The following HHAT variants were observed in gnomAD, a reference collection of about 807,000 sequenced individuals.
HHAT encodes the protein hedgehog acyltransferase, also known as protein-cysteine N-palmitoyltransferase HHAT.
A neutral mutation model predicts 70.8 loss-of-function variants in HHAT; 47 were observed. The ratio of observed to expected loss-of-function variants is 0.66; its 90% CI spans 0.53 to 0.85. The LOEUF is 0.85. Among genes scored for constraint, HHAT ranks in the 40% least tolerant of loss-of-function variants. The pLI is 0.00. For missense variants in HHAT, 609 were observed against 604.8 expected, an observed-to-expected ratio of 1.01 and a Z score of -0.07; for synonymous variants, 228 against 247.6, an observed-to-expected ratio of 0.92 and a Z score of 0.74.
chr1:210,359,599 G>T (rs78015933), intron 2 of HHAT, among the ~76,000 whole-genome samples: 1 of 152,000 alleles, frequency 6.6e-6, no homozygotes, highest in Non-Finnish European at 1.5e-5. Context: ...ATCAGCCCTG[G>T]CCCTCTACCT....
intron 9 of HHAT, among the ~76,000 whole-genome samples, chr1:210,520,955 A>G (rs754048602): frequency 2.0e-4 from 30 of 152,236 alleles, no homozygotes; most frequent in Admixed American, 4.6e-4. Flanking sequence ...GTGGAAATGC[A>G]AAGTATGGAA....
At chr1:210,386,171 G>A (rs1281382879) in intron 3 of HHAT, among the ~76,000 whole-genome samples, 2 of 150,926 alleles carry the variant, frequency 1.3e-5, no homozygotes, top group Non-Finnish European at 2.9e-5. Context: ...AGTTCCACTT[G>A]CAGAGATTGG....
chr1:210,489,963 C>T (rs1049271131), intron 8 of HHAT, among the ~76,000 whole-genome samples: 63 of 152,140 alleles, frequency 4.1e-4, no homozygotes, highest in African/African-American at 8.9e-4. Flanking sequence ...TAGTCCTCAA[C>T]GACTTTTACA....
intron 8 of HHAT, among the ~76,000 whole-genome samples, chr1:210,498,454 C>A (rs986565653): frequency 6.6e-6 from 1 of 152,162 alleles, no homozygotes; most frequent in African/African-American, 2.4e-5. Flanking sequence ...CAGATAGGGA[C>A]CACTGGTAGC....
At chr1:210,653,811 G>A (rs1348844404) in intron 11 of HHAT, among the ~76,000 whole-genome samples, 1 of 146,024 alleles carries the variant, frequency 6.8e-6, no homozygotes, top group African/African-American at 2.5e-5. Context: ...TGGGGCAGGA[G>A]CTGGAGGGCA....
intron 7 of HHAT, among the ~76,000 whole-genome samples, chr1:210,446,091 A>C (rs369938422): frequency 1.3e-5 from 2 of 152,186 alleles, no homozygotes; most frequent in East Asian, 1.9e-4. Context: ...CTGTGGGAAG[A>C]GCGCAAAGGG....
intron 11 of HHAT, among the ~76,000 whole-genome samples, chr1:210,673,766 T>TTTATTTA (rs1558407318): frequency 1.5e-3 from 12 of 8,244 alleles, no homozygotes; most frequent in African/African-American, 0.013. Flanking sequence ...TTATTTATTA[T>TTTATTTA]TTATTTATTT....
intron 6 of HHAT, among the ~76,000 whole-genome samples, chr1:210,417,806 G>A (rs2092769022): frequency 2.6e-5 from 4 of 152,064 alleles, no homozygotes; most frequent in South Asian, 2.1e-4. Flanking sequence ...CCTGTAGCCC[G>A]AAACTCCAAA....
chr1:210,503,605 C>T (rs2094799517), intron 8 of HHAT, among the ~76,000 whole-genome samples: 1 of 152,180 alleles, frequency 6.6e-6, no homozygotes, highest in Non-Finnish European at 1.5e-5. Context: ...TTGTTTGTTT[C>T]ATCTTTGTTT....
intron 2 of HHAT, among the ~76,000 whole-genome samples, chr1:210,352,526 T>C (rs1208325035): frequency 6.6e-6 from 1 of 152,182 alleles, no homozygotes; most frequent in Non-Finnish European, 1.5e-5. Flanking sequence ...CTGCCTAGAA[T>C]AGACTAGAGG....
chr1:210,471,565 A>G (rs2206608), intron 8 of HHAT, among the ~76,000 whole-genome samples: 1 of 151,784 alleles, frequency 6.6e-6, no homozygotes, highest in East Asian at 1.9e-4. Context: ...ACAGAGGAAG[A>G]TGAGGAACTG....
intron 1 of HHAT, among the ~76,000 whole-genome samples, chr1:210,334,252 A>G (rs913094962): frequency 7.1e-6 from 1 of 139,934 alleles, no homozygotes; most frequent in Non-Finnish European, 1.5e-5. Context: ...CTGCAGCCTC[A>G]ACTTCCCAGG....
chr1:210,519,648 C>T (rs2095120262), intron 9 of HHAT, among the ~76,000 whole-genome samples: 1 of 151,412 alleles, frequency 6.6e-6, no homozygotes, highest in Non-Finnish European at 1.5e-5. Context: ...CTACCTTAGC[C>T]TCCAGGTAGC....
chr1:210,412,123 G>T (rs1572248117), intron 6 of HHAT, among the ~76,000 whole-genome samples: 1 of 152,082 alleles, frequency 6.6e-6, no homozygotes, highest in African/African-American at 2.4e-5. Context: ...TTTTATAAGG[G>T]TGCTATTCCC....
intron 9 of HHAT, among the ~76,000 whole-genome samples, chr1:210,540,860 A>G (rs2148659688): frequency 1.3e-5 from 2 of 151,530 alleles, no homozygotes; most frequent in South Asian, 2.1e-4. Context: ...TTTTTTTGAG[A>G]CACAGTGTAT....
At chr1:210,426,678 C>T (rs780079094) in intron 7 of HHAT, among the ~76,000 whole-genome samples, 8 of 152,088 alleles carry the variant, frequency 5.3e-5, no homozygotes, top group Non-Finnish European at 1.0e-4. Flanking sequence ...AACCTTGCAT[C>T]CCAGGGATAA....
chr1:210,483,365 C>G (rs1325027316), intron 8 of HHAT, among the ~76,000 whole-genome samples: 1 of 152,184 alleles, frequency 6.6e-6, no homozygotes, highest in Non-Finnish European at 1.5e-5. Context: ...AGAGAGAACA[C>G]TTCTCTGAGC....
At chr1:210,545,574 C>G (rs4845051) in intron 9 of HHAT, among the ~76,000 whole-genome samples, 1 of 151,778 alleles carries the variant, frequency 6.6e-6, no homozygotes, top group Admixed American at 6.6e-5. Flanking sequence ...GTAGCTAGGA[C>G]TACAGGTATG....
chr1:210,411,916 C>T (rs12086468), intron 6 of HHAT, among the ~76,000 whole-genome samples: 45,097 of 151,996 alleles, frequency 0.3, 7,252 homozygotes, highest in Middle Eastern at 0.44. Context: ...TCCATTCAGA[C>T]GGCTATAACA....
Sources: gnomAD v4.1 joint callset for allele counts (sites outside exome capture counted in the v4.1 genomes callset) on GRCh38, gnomAD v4.1.1 for gene constraint, MANE v1.5 for transcripts, NCBI Gene and HGNC (gene_info 2026-07-23, HGNC 2026-07-21) for gene names.